GPC5: variants seen among roughly 807,000 people sequenced by gnomAD.
GPC5 encodes glypican 5.
In GPC5, 47 loss-of-function variants were observed where a neutral mutation model predicts 53.9. That is an observed-to-expected ratio of 0.87 (90% CI 0.69 to 1.11). The LOEUF is 1.11. GPC5 is among the 50% of genes most tolerant of loss of function. The pLI, the probability that GPC5 is intolerant of heterozygous loss-of-function variation, is 0.00. For synonymous variants in GPC5, 286 were observed against 263.3 expected (o/e 1.09, Z -0.84); for missense variants, 748 against 713.1 (o/e 1.05, Z -0.56).
chr13:92,010,259 C>A (rs1451047990), intron 6 of GPC5, among the ~76,000 whole-genome samples: 1 of 152,078 alleles, frequency 6.6e-6, no homozygotes, highest in East Asian at 1.9e-4. Flanking sequence ...TGTTTATTTT[C>A]TGCTCTCCCC....
At chr13:92,650,469 GCTCAAA>G (rs1344426947) in intron 7 of GPC5, among the ~76,000 whole-genome samples, 14 of 152,048 alleles carry the variant, frequency 9.2e-5, no homozygotes, top group African/African-American at 3.4e-4. Flanking sequence ...ACCAATTTTA[GCTCAAA>G]TTTAATATTT....
At chr13:92,473,028 T>C (rs1274825300) in intron 7 of GPC5, among the ~76,000 whole-genome samples, 1 of 152,048 alleles carries the variant, frequency 6.6e-6, no homozygotes, top group Non-Finnish European at 1.5e-5. Flanking sequence ...GCCCATTTAA[T>C]AAAAATTGTC....
At chr13:92,115,718 G>A (rs1479246750) in intron 6 of GPC5, among the ~76,000 whole-genome samples, 1 of 152,078 alleles carries the variant, frequency 6.6e-6, no homozygotes, top group East Asian at 1.9e-4. Flanking sequence ...TGTATCAGTT[G>A]TTACTGTGAC....
chr13:92,523,075 T>G (rs967749337), intron 7 of GPC5, among the ~76,000 whole-genome samples: 3 of 152,112 alleles, frequency 2.0e-5, no homozygotes, highest in African/African-American at 7.2e-5. Context: ...AAAAGTGATA[T>G]AGGATGTTAT....
chr13:92,702,440 C>G (rs926229760), intron 7 of GPC5, among the ~76,000 whole-genome samples: 1 of 152,094 alleles, frequency 6.6e-6, no homozygotes, highest in African/African-American at 2.4e-5. Context: ...ATTCACCTTC[C>G]TTTCAAACTA....
At chr13:92,505,008 C>T (rs979255443) in intron 7 of GPC5, among the ~76,000 whole-genome samples, 2 of 151,246 alleles carry the variant, frequency 1.3e-5, no homozygotes, top group African/African-American at 4.8e-5. Flanking sequence ...AATAGGACTA[C>T]ATCAAAATCT....
intron 7 of GPC5, among the ~76,000 whole-genome samples, chr13:92,529,383 C>A (rs986065257): frequency 6.6e-6 from 1 of 151,992 alleles, no homozygotes; most frequent in Admixed American, 6.6e-5. Context: ...ACTCCAATAC[C>A]AAGATACACA....
chr13:92,408,507 A>G, intron 7 of GPC5, among the ~76,000 whole-genome samples: 1 of 151,976 alleles, frequency 6.6e-6, no homozygotes, highest in Non-Finnish European at 1.5e-5. Context: ...TCTGTAACTA[A>G]GTCTCTGTAT....
At chr13:92,359,874 T>A (rs1213133831) in intron 7 of GPC5, among the ~76,000 whole-genome samples, 1 of 151,660 alleles carries the variant, frequency 6.6e-6, no homozygotes, top group African/African-American at 2.4e-5. Context: ...AAATTTGACA[T>A]GAGATTGGGG....
intron 7 of GPC5, among the ~76,000 whole-genome samples, chr13:92,694,917 T>C (rs1457540456): frequency 6.6e-6 from 1 of 152,096 alleles, no homozygotes; most frequent in East Asian, 1.9e-4. Flanking sequence ...AGGAGGGAGG[T>C]GATTAGATCG....
At chr13:92,604,199 T>A (rs961020370) in intron 7 of GPC5, among the ~76,000 whole-genome samples, 2 of 152,184 alleles carry the variant, frequency 1.3e-5, no homozygotes, top group African/African-American at 4.8e-5. Flanking sequence ...GGAATTCACT[T>A]CAAGGTAAAC....
chr13:91,623,673 A>G (rs555131558), intron 2 of GPC5, among the ~76,000 whole-genome samples: 1 of 152,284 alleles, frequency 6.6e-6, no homozygotes, highest in South Asian at 2.1e-4. Flanking sequence ...TATGTAAAAA[A>G]ATCTGAATTT....
chr13:92,856,881 T>C (rs1386888884), intron 7 of GPC5, among the ~76,000 whole-genome samples: 1 of 152,068 alleles, frequency 6.6e-6, no homozygotes, highest in Non-Finnish European at 1.5e-5. Context: ...AGAATCAATA[T>C]TGTTAAAGTG....
intron 7 of GPC5, among the ~76,000 whole-genome samples, chr13:92,613,797 CAGT>C (rs1217508370): frequency 1.3e-5 from 2 of 149,424 alleles, no homozygotes; most frequent in African/African-American, 2.5e-5. Flanking sequence ...GTCAAGGCTG[CAGT>C]GAGATAGGAT....
chr13:91,649,824 A>G (rs1177331667), intron 2 of GPC5, among the ~76,000 whole-genome samples: 1 of 152,306 alleles, frequency 6.6e-6, no homozygotes, highest in Middle Eastern at 3.4e-3. Context: ...GATCATCTCA[A>G]ACATATCACC....
intron 1 of GPC5, among the ~76,000 whole-genome samples, chr13:91,427,153 C>G (rs2139007603): frequency 6.6e-6 from 1 of 152,298 alleles, no homozygotes; most frequent in Non-Finnish European, 1.5e-5. Context: ...GGGCTTGGAG[C>G]CCCCACACAG....
In GPC5 at chr13:91,903,827, G is replaced by T. The variant is rs183762920; in HGVS notation, c.1281-4110G>T. On this transcript the variant is annotated intron_variant, in intron 5 of 7. Transcript: ENST00000377067. ...TGATAATTAAGAACAAAACCAAAAG[G>T]TAAGCAGGTAAGCAATTCCTTAGAT... is the stretch of plus-strand genomic sequence containing the variant. Among the ~76,000 whole-genome samples the T allele has an allele frequency of 1.7e-3, 255 of 152,092 alleles. 3 individuals are homozygous for T. The highest frequency in any genetic ancestry group is 5.9e-3 in the African/African-American group (245 of 41,496).
intron 7 of GPC5, among the ~76,000 whole-genome samples, chr13:92,329,086 A>G (rs913696917): frequency 1.1e-4 from 17 of 152,138 alleles, no homozygotes; most frequent in Non-Finnish European, 5.9e-5. Flanking sequence ...AAGTGAGTAC[A>G]GTATTCTAGA....
intron 7 of GPC5, among the ~76,000 whole-genome samples, chr13:92,760,638 T>C (rs1875128301): frequency 6.6e-6 from 1 of 152,064 alleles, no homozygotes; most frequent in African/African-American, 2.4e-5. Context: ...CTATGATTTT[T>C]CTTTCATCTG....
Sources: allele counts gnomAD v4.1 joint callset (sites outside exome capture counted in the v4.1 genomes callset), GRCh38; gene constraint gnomAD v4.1.1; transcripts MANE v1.5; gene names NCBI Gene and HGNC (gene_info 2026-07-23, HGNC 2026-07-21).